The following NCOA2 variants were observed in gnomAD, a reference collection of about 807,000 sequenced individuals.
NCOA2 encodes nuclear receptor coactivator 2.
NCOA2 carries 21 observed loss-of-function variants against 145.1 expected under a neutral mutation model. That is an observed-to-expected ratio of 0.14 (90% CI 0.10 to 0.21). NCOA2 has a LOEUF of 0.21. NCOA2 is among the 10% of genes least tolerant of loss of function. The probability of loss-of-function intolerance (pLI) is 1.00; values close to 1 mark genes in which losing one functional copy is unlikely to be tolerated. For missense variants in NCOA2, 1,472 were observed against 1,837.6 expected (o/e 0.80, Z 3.64); for synonymous variants, 619 against 637.5 (o/e 0.97, Z 0.44).
Position 70,162,744 on chromosome 8 carries a change from A to C in NCOA2, c.943T>G (p.Ser315Ala). 1 of 1,613,710 alleles carries C rather than the reference A, an allele frequency of 6.2e-7. No individual in the cohort carries two copies. The highest frequency in any genetic ancestry group is 8.5e-7 in the Non-Finnish European group (1 of 1,179,798). Residue 315 changes from serine to alanine, a missense_variant, in exon 9 of 23, where the codon TCT becomes GCT. Around this residue, in one of 4 missense-constraint regions of NCOA2, gnomAD observed 284 missense variants for 467.8 expected, o/e 0.61. Coordinates refer to ENST00000452400, the MANE Select transcript of NCOA2 (RefSeq NM_006540.4). ...QKFHAQHEGE[S>A]VSYAKRHHHE... is the part of the protein sequence containing the mutation. Reference sequence around the variant, plus strand: ...TGATGCCTCTTAGCATAGGACACAGATTCTCCTTCATGCTGCGCATGGAAC... The same window carrying C: ...TGATGCCTCTTAGCATAGGACACAGCTTCTCCTTCATGCTGCGCATGGAAC...
At chr8:70,440,090 T>C in the NCOA2 span, among the ~76,000 whole-genome samples, 55 of 152,110 alleles carry the variant, frequency 3.6e-4, no homozygotes, top group African/African-American at 1.3e-3. Flanking sequence ...ATCGAGACCA[T>C]CCTGGCTAAC....
At chr8:70,431,664 T>TA in the NCOA2 span, among the ~76,000 whole-genome samples, 1 of 152,240 alleles carries the variant, frequency 6.6e-6, no homozygotes, top group Admixed American at 6.5e-5. Context: ...GCTATATGCA[T>TA]TTCAAACCTT....
At chr8:70,358,000 G>A (rs1016028604) in intron 1 of NCOA2, among the ~76,000 whole-genome samples, 2 of 152,056 alleles carry the variant, frequency 1.3e-5, no homozygotes, top group South Asian at 2.1e-4. Context: ...GCAGTGAGCC[G>A]AGATCATGCC....
chr8:70,298,889 G>A (rs537070996), intron 1 of NCOA2, among the ~76,000 whole-genome samples: 2 of 152,102 alleles, frequency 1.3e-5, no homozygotes, highest in Admixed American at 6.6e-5. Context: ...GTGAAACCCC[G>A]TCTCTACTAA....
chr8:70,365,654 A>C (rs1231813764), intron 1 of NCOA2, among the ~76,000 whole-genome samples: 1 of 152,242 alleles, frequency 6.6e-6, no homozygotes, highest in African/African-American at 2.4e-5. Context: ...GCCCTTTTCC[A>C]ATTACAGACG....
rs1034319020 is a variant in NCOA2 at position 70,110,077 on chromosome 8, G to A, written c.*3555C>T. Reference sequence around the variant, plus strand: ...CCTGAAGAACCATAGTTAATATATTGCTTAATTTTACCCTTGTATAATCTT... The same window carrying A: ...CCTGAAGAACCATAGTTAATATATTACTTAATTTTACCCTTGTATAATCTT... On this transcript the variant is annotated 3_prime_UTR_variant, in exon 23 of 23. Transcript: ENST00000452400. 5.1e-6 allele frequency: 1 copy of A among 195,954 alleles called. No homozygotes were observed. The highest frequency in any genetic ancestry group is 2.3e-5 in the African/African-American group (1 of 43,348). 12.1% of individuals were successfully genotyped at this position (195,954 alleles called of 1,614,324 possible).
chr8:70,163,403 A>C (rs1390398918), intron 8 of NCOA2, 62 bp downstream of exon 8: 1 of 1,231,052 alleles, frequency 8.1e-7, no homozygotes. Flanking sequence ...GAGTCCTTGC[A>C]TTCCCAAATA....
intron 1 of NCOA2, among the ~76,000 whole-genome samples, chr8:70,299,475 C>G (rs575344184): frequency 2.6e-5 from 4 of 152,198 alleles, no homozygotes; most frequent in African/African-American, 9.6e-5. Flanking sequence ...ATAAAGATCT[C>G]TTACAACTTA....
intron 4 of NCOA2, among the ~76,000 whole-genome samples, chr8:70,207,756 G>C (rs1159170467): frequency 6.6e-6 from 1 of 151,320 alleles, no homozygotes; most frequent in Non-Finnish European, 1.5e-5. Flanking sequence ...CCAGCTACTC[G>C]GGAGGCTGAG....
chr8:70,427,699 C>T, the NCOA2 span, among the ~76,000 whole-genome samples: 1 of 152,194 alleles, frequency 6.6e-6, no homozygotes, highest in African/African-American at 2.4e-5. Flanking sequence ...CAATTTCTCT[C>T]AACTTACTGG....
In NCOA2 at chr8:70,159,593, G is replaced by C; in HGVS notation, c.1036C>G (p.Leu346Val). Residue 346 changes from leucine (L) to valine (V), a missense_variant, in exon 10 of 23, where the codon CTT becomes GTT. This residue lies in a region of NCOA2 where 284 missense variants were observed against 467.8 expected (regional missense o/e 0.61). Coordinates refer to ENST00000452400, the MANE Select transcript of NCOA2 (RefSeq NM_006540.4). ...IYRFSLSDGT[L>V]VAAQTKSKLI... ...TTGCTCTTCGTTTGTGCAGCAACAAGAGTGCCATCAGACAAGGAAAAACGA... is the reference window on the plus strand; with the variant it reads ...TTGCTCTTCGTTTGTGCAGCAACAACAGTGCCATCAGACAAGGAAAAACGA... The C allele has an allele frequency of 6.2e-7, 1 of 1,612,952 alleles. No homozygotes were observed. The highest frequency in any genetic ancestry group is 1.3e-5 in the African/African-American group (1 of 74,988).
At chr8:70,387,866 A>G (rs1040858118) in intron 1 of NCOA2, among the ~76,000 whole-genome samples, 6 of 152,164 alleles carry the variant, frequency 3.9e-5, no homozygotes, top group African/African-American at 1.4e-4. Flanking sequence ...GGAGAGTCCA[A>G]TTTGTAGATA....
rs573587631 is a variant in NCOA2, at chr8:70,243,042, T to C, written c.-19-26278A>G. On this transcript the variant is annotated intron_variant, in intron 2 of 22. Transcript: ENST00000452400. Reference sequence around the variant, plus strand: ...CTTAACTCTGATAATAATACTGGGGTGCTTCCTCACTCCCCAACCTCTAAA... The same window carrying C: ...CTTAACTCTGATAATAATACTGGGGCGCTTCCTCACTCCCCAACCTCTAAA... 1.7e-3 allele frequency among the ~76,000 whole-genome samples: 256 copies of C among 152,140 alleles called. 2 individuals carry two copies. The highest frequency in any genetic ancestry group is 5.5e-3 in the African/African-American group (230 of 41,516).
the NCOA2 span, among the ~76,000 whole-genome samples, chr8:70,435,442 A>G: frequency 6.8e-6 from 1 of 147,304 alleles, no homozygotes; most frequent in Non-Finnish European, 1.5e-5. Context: ...AAAAAAAAAA[A>G]AAAAAAAAAA....
chr8:70,185,499 A>G (rs1815965790), intron 4 of NCOA2, among the ~76,000 whole-genome samples: 1 of 152,202 alleles, frequency 6.6e-6, no homozygotes, highest in South Asian at 2.1e-4. Flanking sequence ...AGAGGACAGC[A>G]GACTCCAGGG....
At chr8:70,169,215 C>T (rs1378752826) in intron 6 of NCOA2, among the ~76,000 whole-genome samples, 1 of 152,210 alleles carries the variant, frequency 6.6e-6, no homozygotes, top group Non-Finnish European at 1.5e-5. Flanking sequence ...GGTGGGCCCA[C>T]GCTGTGAATC....
chr8:70,152,687 C>T (rs1811874257), intron 11 of NCOA2, among the ~76,000 whole-genome samples: 1 of 152,142 alleles, frequency 6.6e-6, no homozygotes, highest in Admixed American at 6.5e-5. Context: ...GTTACTGTTT[C>T]CTGCTGGTTA....
chr8:70,145,624 T>C (rs1177003673), intron 12 of NCOA2, among the ~76,000 whole-genome samples: 1 of 141,068 alleles, frequency 7.1e-6, no homozygotes, highest in East Asian at 2.1e-4. Flanking sequence ...CCCAGCCCTT[T>C]TTTTTTTTTT....
chr8:70,421,440 C>T, the NCOA2 span, among the ~76,000 whole-genome samples: 3 of 151,982 alleles, frequency 2.0e-5, no homozygotes, highest in Admixed American at 1.3e-4. Flanking sequence ...CGCCTCTAGT[C>T]GTAGCTACTC....
Sources: gnomAD v4.1 joint callset for allele counts (sites outside exome capture counted in the v4.1 genomes callset) on GRCh38, gnomAD v4.1.1 for gene constraint, gnomAD v4.1.1 regional missense constraint, MANE v1.5 for transcripts, NCBI Gene and HGNC (gene_info 2026-07-23, HGNC 2026-07-21) for gene names.